The following CFAP161 variants were observed in gnomAD, a reference collection of about 807,000 sequenced individuals.
The protein encoded by CFAP161 is cilia and flagella associated protein 161, also known as cilia- and flagella-associated protein 161.
Under a neutral mutation model 29.0 loss-of-function variants are expected in CFAP161, and 25 were observed. The observed-to-expected ratio is 0.86, with a 90% CI of 0.63 to 1.20. The LOEUF is 1.20. Ranked by LOEUF, CFAP161 falls within the 50% of genes most tolerant of loss-of-function variation. The pLI, the probability that CFAP161 is intolerant of heterozygous loss-of-function variation, is 0.00. For missense variants in CFAP161, 367 were observed against 371.9 expected (o/e 0.99, Z 0.11); for synonymous variants, 116 against 137.4 (o/e 0.84, Z 1.09).
At chr15:81,123,492 T>C (rs1487978072) in intron 1 of CFAP161, among the ~76,000 whole-genome samples, 1 of 152,248 alleles carries the variant, frequency 6.6e-6, no homozygotes, top group Non-Finnish European at 1.5e-5. Flanking sequence ...GCTTTGTTCT[T>C]TGTGCCTAGG....
At chr15:81,130,644 G>C (rs1028728057), upstream of CFAP161, among the ~76,000 whole-genome samples, 1 of 152,218 alleles carries the variant, frequency 6.6e-6, no homozygotes, top group African/African-American at 2.4e-5. Flanking sequence ...AGGTTGTAGT[G>C]AGCCAAGATC....
chr15:81,134,569 C>G (rs1468738261), intron 1 of CFAP161, among the ~76,000 whole-genome samples, 171 bp downstream of exon 1: 1 of 152,192 alleles, frequency 6.6e-6, no homozygotes, highest in African/African-American at 2.4e-5. Context: ...ACCTGCCGAA[C>G]TGCAAACCCA....
chr15:81,135,522 C>G (rs1389095232), intron 2 of CFAP161, among the ~76,000 whole-genome samples, 163 bp downstream of exon 2: 7 of 119,928 alleles, frequency 5.8e-5, no homozygotes, highest in African/African-American at 2.2e-4. Flanking sequence ...CCCCTCCCCC[C>G]ACCCCACAAC....
chr15:81,148,313 C>T (rs376187545), intron 6 of CFAP161, 25 bp from the exon 7 acceptor site: 233 of 1,584,610 alleles, frequency 1.5e-4, no homozygotes, highest in Non-Finnish European at 1.8e-4. Context: ...AATTTCAAAC[C>T]ACAACTGATT....
chr15:81,132,266 G>A (rs1207074735), upstream of CFAP161, among the ~76,000 whole-genome samples: 1 of 152,190 alleles, frequency 6.6e-6, no homozygotes, highest in East Asian at 1.9e-4. Context: ...GATAGAGTGA[G>A]ACTCTGTCTT....
chr15:81,118,743 C>T (rs1326151314), intron 1 of CFAP161, among the ~76,000 whole-genome samples: 1 of 152,212 alleles, frequency 6.6e-6, no homozygotes, highest in African/African-American at 2.4e-5. Flanking sequence ...AGCTGAGGCC[C>T]GCCCCAAACC....
At chr15:81,133,215 ATATATATATG>A (rs1190086220), upstream of CFAP161, among the ~76,000 whole-genome samples, 1,258 of 33,312 alleles carry the variant, frequency 0.038, 92 homozygotes, top group Non-Finnish European at 0.066. Flanking sequence ...ATATATATAT[ATATATATATG>A]TATTTTTTTT....
chr15:81,127,013 T>C (rs1013550848), intron 1 of CFAP161, among the ~76,000 whole-genome samples: 1 of 152,220 alleles, frequency 6.6e-6, no homozygotes, highest in African/African-American at 2.4e-5. Flanking sequence ...GAACTCTGAA[T>C]TTTCCTTGAT....
chr15:81,115,346 G>C (rs937476632), intron 1 of CFAP161, among the ~76,000 whole-genome samples: 1 of 152,192 alleles, frequency 6.6e-6, no homozygotes, highest in Non-Finnish European at 1.5e-5. Context: ...TCTGGATGCT[G>C]GGATGAACCT....
At chr15:81,103,965 G>A (rs964482198) in intron 1 of CFAP161, among the ~76,000 whole-genome samples, 1 of 109,222 alleles carries the variant, frequency 9.2e-6, no homozygotes, top group African/African-American at 2.5e-5. Context: ...TATGTTGATG[G>A]TTATTGTGGT....
intron 5 of CFAP161, among the ~76,000 whole-genome samples, chr15:81,144,127 T>C (rs531010293): frequency 1.3e-5 from 2 of 152,340 alleles, no homozygotes; most frequent in African/African-American, 4.8e-5. Context: ...GGCAGCATCC[T>C]GCACTAGAGT....
intron 6 of CFAP161, 93 bp from the exon 7 acceptor site, chr15:81,148,245 T>G: frequency 7.8e-7 from 1 of 1,283,116 alleles, no homozygotes; most frequent in Non-Finnish European, 1.1e-6. Flanking sequence ...AGCAATCCGC[T>G]TCTTAAGGTG....
chr15:81,136,616 G>A lies in CFAP161; in HGVS notation c.260G>A (p.Arg87His), dbSNP rs762555812. Residue 87 changes from arginine (R) to histidine (H), a missense_variant, in exon 3 of 7, where the codon CGT becomes CAT. Coordinates refer to ENST00000286732, the MANE Select transcript of CFAP161 (RefSeq NM_173528.4). The part of the protein sequence containing the change: ...DPDTEADVFL[R>H]GDLSLCMTPD... ...GACACAGAAGCTGATGTGTTTCTGCGTGGGGACCTGAGCCTGTGTATGACT... is the reference window on the plus strand; with the variant it reads ...GACACAGAAGCTGATGTGTTTCTGCATGGGGACCTGAGCCTGTGTATGACT... 25 of 1,614,164 alleles carry A rather than the reference G, an allele frequency of 1.5e-5. 1 individual carries two copies. Among genetic ancestry groups the A allele is most frequent in the South Asian group, 7.7e-5 (7 of 91,078 alleles).
At chr15:81,133,215 A>G (rs1390293308), upstream of CFAP161, among the ~76,000 whole-genome samples, 155 of 33,376 alleles carry the variant, frequency 4.6e-3, 10 homozygotes, top group African/African-American at 0.015. Context: ...ATATATATAT[A>G]TATATATATG....
chr15:81,123,351 T>G (rs1272314818), intron 1 of CFAP161, among the ~76,000 whole-genome samples: 1 of 152,150 alleles, frequency 6.6e-6, no homozygotes, highest in African/African-American at 2.4e-5. Flanking sequence ...TAGTTGTAGG[T>G]GTGCGGTCTT....
At chr15:81,113,896 G>A (rs1184659729) in intron 1 of CFAP161, among the ~76,000 whole-genome samples, 1 of 152,148 alleles carries the variant, frequency 6.6e-6, no homozygotes, top group Non-Finnish European at 1.5e-5. Context: ...CTATCTAAGG[G>A]CTCCACCCTA....
chr15:81,133,349 C>A (rs1894749939), upstream of CFAP161, among the ~76,000 whole-genome samples: 1 of 151,398 alleles, frequency 6.6e-6, no homozygotes, highest in South Asian at 2.1e-4. Context: ...TGAGCCACCA[C>A]GCCAGCCCAT....
chr15:81,132,168 T>G (rs2141875206), upstream of CFAP161, among the ~76,000 whole-genome samples: 1 of 152,204 alleles, frequency 6.6e-6, no homozygotes, highest in East Asian at 1.9e-4. Flanking sequence ...CCCCAGGTAC[T>G]CAGGAGGCTG....
intron 1 of CFAP161, among the ~76,000 whole-genome samples, chr15:81,124,955 C>A (rs1436928890): frequency 6.6e-6 from 1 of 151,740 alleles, no homozygotes; most frequent in Non-Finnish European, 1.5e-5. Context: ...CAAGAACAAG[C>A]TTTTATTTGT....
Sources: gnomAD v4.1 joint callset for allele counts (sites outside exome capture counted in the v4.1 genomes callset) on GRCh38, gnomAD v4.1.1 for gene constraint, MANE v1.5 for transcripts, NCBI Gene and HGNC (gene_info 2026-07-23, HGNC 2026-07-21) for gene names.